The following PGM5 variants were observed in gnomAD, a reference collection of about 807,000 sequenced individuals.
The protein encoded by PGM5 is phosphoglucomutase 5.
PGM5 carries 23 observed loss-of-function variants against 59.2 expected under a neutral mutation model. That is an observed-to-expected ratio of 0.39 (90% confidence interval 0.28 to 0.55). PGM5 has a LOEUF of 0.55. Ranked by LOEUF, PGM5 falls within the 20% of genes least tolerant of loss-of-function variation. The probability of loss-of-function intolerance (pLI) is 0.66; values close to 1 mark genes in which losing one functional copy is unlikely to be tolerated. For missense variants in PGM5, 574 were observed against 748.3 expected, an observed-to-expected ratio of 0.77 and a Z score of 2.72; for synonymous variants, 214 against 286.0, an observed-to-expected ratio of 0.75 and a Z score of 2.54.
At chr9:68,480,727 A>G (rs1824184210) in intron 8 of PGM5, among the ~76,000 whole-genome samples, 1 of 152,122 alleles carries the variant, frequency 6.6e-6, no homozygotes, top group South Asian at 2.1e-4. Flanking sequence ...AAACAAAACA[A>G]AAAAACAGGG....
rs1487445881 is a variant in PGM5 at position 68,370,427 on chromosome 9, G to A, written c.262-7772G>A. Among the ~76,000 whole-genome samples, 12 of 152,200 alleles carry A rather than the reference G, an allele frequency of 7.9e-5. No individual in the cohort carries two copies. In the East Asian group the frequency reaches 2.1e-3, roughly 27 times the overall value. On this transcript the variant is annotated intron_variant, in intron 1 of 10. Transcript: ENST00000396396. ...AGAGTCAACATTCTGCACCTACTCC[G>A]AAATTTTAGCCTGAGGGTTTAAATA... is the stretch of plus-strand genomic sequence containing the variant.
intron 6 of PGM5, among the ~76,000 whole-genome samples, chr9:68,417,052 G>A (rs1398646936): frequency 1.3e-5 from 2 of 152,174 alleles, no homozygotes; most frequent in African/African-American, 2.4e-5. Context: ...GTGAAGACTG[G>A]CCAGCCTATG....
chr9:68,437,787 T>C lies in PGM5; in HGVS notation c.1044-27306T>C, dbSNP rs1174183818. ...AAAAATCCAAGTTGTTGTGGTATTA[T>C]TGAAAAATTGCAGTTCTGGCAGTAC... On this transcript the variant is annotated intron_variant, in intron 6 of 10. Coordinates refer to ENST00000396396, the MANE Select transcript of PGM5 (RefSeq NM_021965.4). This position sits in a 1 kb window ranked among gnomAD's most constrained non-coding sequence, Gnocchi z 4.1. Among the ~76,000 whole-genome samples, 1 of 152,200 alleles carries C rather than the reference T, an allele frequency of 6.6e-6. No homozygotes were observed. Among genetic ancestry groups the C allele is most frequent in the African/African-American group, 2.4e-5 (1 of 41,456 alleles).
intron 10 of PGM5, among the ~76,000 whole-genome samples, chr9:68,505,937 G>A (rs1554688990): frequency 6.6e-6 from 1 of 151,700 alleles, no homozygotes; most frequent in Admixed American, 6.6e-5. Flanking sequence ...ACTATGTTGG[G>A]GCCCACCAAG....
At chr9:68,401,358 G>A (rs1276432197) in intron 6 of PGM5, among the ~76,000 whole-genome samples, 1 of 151,178 alleles carries the variant, frequency 6.6e-6, no homozygotes, top group African/African-American at 2.4e-5. Context: ...AACCTTTTTT[G>A]GAAGTCAGCT....
chr9:68,510,986 G>A (rs1331105596), intron 10 of PGM5, among the ~76,000 whole-genome samples: 4 of 152,198 alleles, frequency 2.6e-5, no homozygotes, highest in African/African-American at 7.2e-5. Flanking sequence ...AGTTGTGGAA[G>A]CTGAGGTTCT....
chr9:68,357,134 G>A lies in PGM5; in HGVS notation c.7G>A (p.Gly3Arg). The change falls in exon 1 of 11, where the codon GGG becomes AGG. Residue 3 changes from glycine to arginine, a missense_variant. Around this residue, in one of 7 missense-constraint regions of PGM5, gnomAD observed 60 missense variants for 71.0 expected, o/e 0.85. Coordinates refer to ENST00000396396, the MANE Select transcript of PGM5 (RefSeq NM_021965.4). ME[G>R]SPIPVLTVPT... ...GGACCGGCCAGGAGGCGCCATGGAGGGGAGCCCCATCCCGGTGCTGACAGT... is the reference window on the plus strand; with the variant it reads ...GGACCGGCCAGGAGGCGCCATGGAGAGGAGCCCCATCCCGGTGCTGACAGT... The A allele has an allele frequency of 6.6e-7, 1 of 1,526,070 alleles. No individual in the cohort carries two copies. Among genetic ancestry groups the A allele is most frequent in the South Asian group, 1.2e-5 (1 of 82,392 alleles). The allele number at this position is 1,526,070 out of a possible 1,614,324, so 94.5% of individuals were successfully genotyped here. A position where few individuals can be genotyped will look rare whatever the true frequency, so the allele number is the denominator to read the frequency against.
intron 10 of PGM5, among the ~76,000 whole-genome samples, chr9:68,518,243 A>G (rs557124984): frequency 6.6e-6 from 1 of 152,376 alleles, no homozygotes; most frequent in East Asian, 1.9e-4. Context: ...CCAGAGGATT[A>G]TAAATCCATG....
chr9:68,494,857 A>G (rs1824457062), intron 9 of PGM5, among the ~76,000 whole-genome samples: 1 of 152,232 alleles, frequency 6.6e-6, no homozygotes, highest in Non-Finnish European at 1.5e-5. Context: ...CATCAGCTCT[A>G]GTTCACCATG....
intron 10 of PGM5, among the ~76,000 whole-genome samples, chr9:68,528,620 T>C (rs1293430204): frequency 2.0e-5 from 3 of 152,008 alleles, no homozygotes; most frequent in Non-Finnish European, 4.4e-5. Flanking sequence ...GAAAAAACAA[T>C]ACCACTTGAT....
intron 10 of PGM5, among the ~76,000 whole-genome samples, chr9:68,513,636 A>G (rs552708308): frequency 1.1e-4 from 16 of 152,246 alleles, no homozygotes; most frequent in Non-Finnish European, 1.9e-4. Context: ...TTTCAGTCAC[A>G]TTAACAGTGA....
At chr9:68,410,209 G>T (rs1236936438) in intron 6 of PGM5, among the ~76,000 whole-genome samples, 9 of 152,220 alleles carry the variant, frequency 5.9e-5, no homozygotes, top group African/African-American at 2.2e-4. Context: ...GTGGATAGTT[G>T]ACACTTTTGC....
intron 10 of PGM5, among the ~76,000 whole-genome samples, chr9:68,525,210 A>G (rs1285874303): frequency 6.6e-6 from 1 of 152,154 alleles, no homozygotes; most frequent in Non-Finnish European, 1.5e-5. Flanking sequence ...CATGCACACA[A>G]TGTCCTCCAG....
chr9:68,405,097 A>G lies in PGM5; in HGVS notation c.1043+12624A>G, dbSNP rs1431700210. The G allele has an allele frequency of 2.0e-5, 3 of 152,220 alleles. No homozygotes were observed. In the South Asian group the frequency reaches 6.2e-4, roughly 31 times the overall value. The allele number at this position is 152,220 out of a possible 1,614,324, so 9.4% of individuals were successfully genotyped here. On this transcript the variant is annotated intron_variant, in intron 6 of 10. Transcript: ENST00000396396. The stretch of plus-strand genomic sequence containing the variant: ...CTCTTACACCAGCTTGTCTATGAAG[A>G]TGGAAGACAAAGCTTTTCTTTCCAA...
At chr9:68,517,374 A>G (rs1824839216) in intron 10 of PGM5, among the ~76,000 whole-genome samples, 1 of 152,290 alleles carries the variant, frequency 6.6e-6, no homozygotes, top group Admixed American at 6.5e-5. Context: ...TCTATTTCAG[A>G]AAAAGAGAAA....
chr9:68,511,704 C>G (rs1554689382), intron 10 of PGM5, among the ~76,000 whole-genome samples: 1 of 151,636 alleles, frequency 6.6e-6, no homozygotes, highest in African/African-American at 2.4e-5. Context: ...GCATGCGTCA[C>G]CATGCCTGGC....
intron 10 of PGM5, among the ~76,000 whole-genome samples, chr9:68,527,087 C>A (rs1402455493): frequency 6.6e-6 from 1 of 152,096 alleles, no homozygotes; most frequent in Non-Finnish European, 1.5e-5. Context: ...GGAAAGCACG[C>A]GTTAGTTTGT....
chr9:68,378,780 T>C (rs1554678067), intron 2 of PGM5, among the ~76,000 whole-genome samples: 1 of 152,142 alleles, frequency 6.6e-6, no homozygotes, highest in East Asian at 1.9e-4. Context: ...TCCTGGCCTC[T>C]CTTTTTCCTA....
chr9:68,499,619 G>T (rs1181816065), intron 10 of PGM5, among the ~76,000 whole-genome samples: 1 of 152,206 alleles, frequency 6.6e-6, no homozygotes, highest in African/African-American at 2.4e-5. Flanking sequence ...CTTGACTGTT[G>T]AGTGGTTTGT....
Sources: gnomAD v4.1 joint callset for allele counts (sites outside exome capture counted in the v4.1 genomes callset) on GRCh38, gnomAD v4.1.1 for gene constraint, gnomAD v4.1.1 regional missense constraint, Gnocchi (gnomAD v3.1) non-coding constraint, MANE v1.5 for transcripts, NCBI Gene and HGNC (gene_info 2026-07-23, HGNC 2026-07-21) for gene names.